MMP20: variants seen among roughly 807,000 people sequenced by gnomAD.
MMP20 encodes the protein matrix metallopeptidase 20, also known as matrix metalloproteinase-20.
A neutral mutation model predicts 51.8 loss-of-function variants in MMP20; 50 were observed. The observed-to-expected ratio is 0.97, with a 90% CI of 0.77 to 1.22. The LOEUF (loss-of-function observed/expected upper bound fraction) is 1.22. Among genes scored for constraint, MMP20 ranks in the 50% most tolerant of loss-of-function variants. MMP20 has a pLI of 0.00. For synonymous variants in MMP20, 244 were observed against 216.2 expected (o/e 1.13, Z -1.13); for missense variants, 663 against 601.4 (o/e 1.10, Z -1.07).
intron 1 of MMP20, among the ~76,000 whole-genome samples, chr11:102,623,794 C>T (rs1859781594): frequency 1.3e-5 from 2 of 152,216 alleles, no homozygotes; most frequent in African/African-American, 4.8e-5. Flanking sequence ...ATTCTGGCCT[C>T]AGCATGGCTC....
At chr11:102,585,528 A>T (rs1859244719) in intron 8 of MMP20, among the ~76,000 whole-genome samples, 1 of 152,172 alleles carries the variant, frequency 6.6e-6, no homozygotes, top group African/African-American at 2.4e-5. Context: ...TTTTCTATAT[A>T]AAAGATAATA....
chr11:102,581,024 T>G (rs963587547), intron 8 of MMP20, among the ~76,000 whole-genome samples: 2 of 152,222 alleles, frequency 1.3e-5, no homozygotes, highest in Non-Finnish European at 2.9e-5. Flanking sequence ...TACAGTCTGA[T>G]GGTACTGGGT....
intron 3 of MMP20, among the ~76,000 whole-genome samples, chr11:102,610,720 A>T (rs1390574620): frequency 2.0e-5 from 3 of 152,092 alleles, no homozygotes; most frequent in African/African-American, 7.2e-5. Flanking sequence ...ATAGTTTACC[A>T]CTTAAAAAAA....
At chr11:102,596,010 T>C (rs1346134386) in intron 6 of MMP20, among the ~76,000 whole-genome samples, 1 of 152,222 alleles carries the variant, frequency 6.6e-6, no homozygotes, top group Non-Finnish European at 1.5e-5. Context: ...CAAATATTTA[T>C]GGAGCACCTA....
chr11:102,609,699 T>C (rs1326196234), intron 4 of MMP20, among the ~76,000 whole-genome samples: 2 of 152,206 alleles, frequency 1.3e-5, no homozygotes, highest in Non-Finnish European at 2.9e-5. Flanking sequence ...TGATATGCTA[T>C]GAAACAGATC....
At chr11:102,598,294 G>A (rs1430526953) in intron 6 of MMP20, among the ~76,000 whole-genome samples, 1 of 152,082 alleles carries the variant, frequency 6.6e-6, no homozygotes, top group East Asian at 1.9e-4. Flanking sequence ...AAATCTATAA[G>A]CCTCTTGGAA....
intron 6 of MMP20, among the ~76,000 whole-genome samples, chr11:102,601,957 T>C: frequency 6.7e-6 from 1 of 149,566 alleles, no homozygotes; most frequent in Non-Finnish European, 1.5e-5. Context: ...CTTTCTTTTT[T>C]TTTTTTTTTT....
intron 4 of MMP20, 73 bp from the exon 5 acceptor site, chr11:102,609,171 A>G (rs1434252382): frequency 1.5e-6 from 2 of 1,323,612 alleles, no homozygotes; most frequent in East Asian, 2.4e-5. Context: ...TCTTTATAGT[A>G]TAATTTATGC....
rs1245025955 is a variant in MMP20, at chr11:102,577,077, C to G, written c.*249G>C. On this transcript the variant is annotated 3_prime_UTR_variant, in exon 10 of 10. Transcript: ENST00000260228. The stretch of plus-strand genomic sequence containing the variant: ...GGTAAGAAAAAATAATGGTGTCTAA[C>G]TGCAGAGTGCATTGTGTTGATTTGG... 2 of 466,588 alleles carry G rather than the reference C, an allele frequency of 4.3e-6. No homozygotes were observed. The highest frequency in any genetic ancestry group is 7.8e-6 in the Non-Finnish European group (2 of 255,096). The allele number at this position is 466,588 out of a possible 1,614,324, so 28.9% of individuals were successfully genotyped here. A position where few individuals can be genotyped will look rare whatever the true frequency, so the allele number is the denominator to read the frequency against.
chr11:102,624,778 T>G (rs951103185), intron 1 of MMP20, among the ~76,000 whole-genome samples: 1 of 152,122 alleles, frequency 6.6e-6, no homozygotes, highest in African/African-American at 2.4e-5. Flanking sequence ...ACACAGGAAA[T>G]CTCCTTGTTG....
intron 8 of MMP20, among the ~76,000 whole-genome samples, chr11:102,583,213 A>G (rs1357665727): frequency 6.6e-6 from 1 of 152,230 alleles, no homozygotes. Context: ...TCAGTCATCC[A>G]GACCTATGTT....
intron 6 of MMP20, among the ~76,000 whole-genome samples, chr11:102,606,285 G>A (rs1159934042): frequency 6.6e-6 from 1 of 152,166 alleles, no homozygotes; most frequent in Non-Finnish European, 1.5e-5. Flanking sequence ...AGTGAAAAAG[G>A]TTACAATAAA....
chr11:102,617,857 C>T (rs1271631992), intron 1 of MMP20, among the ~76,000 whole-genome samples: 2 of 152,106 alleles, frequency 1.3e-5, no homozygotes, highest in Non-Finnish European at 2.9e-5. Context: ...TTGAGGCCTG[C>T]CTTTGGCTCA....
At chr11:102,592,631 C>G (rs935472370) in intron 8 of MMP20, among the ~76,000 whole-genome samples, 1 of 152,116 alleles carries the variant, frequency 6.6e-6, no homozygotes, top group South Asian at 2.1e-4. Flanking sequence ...TCTTCAAGAC[C>G]CTTTCATGAG....
chr11:102,583,815 A>G (rs1294764992), intron 8 of MMP20, among the ~76,000 whole-genome samples: 1 of 152,112 alleles, frequency 6.6e-6, no homozygotes, highest in Non-Finnish European at 1.5e-5. Context: ...TCTCAACCAG[A>G]CCTAGACAAT....
chr11:102,611,843 G>A lies in MMP20; in HGVS notation c.435C>T (p.Ala145=). Reference sequence around the variant, plus strand: ...GGACGGCGCTACTCCAGGCCTGCAAGGCCATCTCCACTGCTTTGTCCACCT... The same window carrying A: ...GGACGGCGCTACTCCAGGCCTGCAAAGCCATCTCCACTGCTTTGTCCACCT... ...SVEVDKAVEM[A]LQAWSSAVPL... is the part of the protein sequence containing the mutation. The change falls in exon 3 of 10, where the codon GCC becomes GCT. Residue 145 remains alanine, a synonymous_variant. Transcript: ENST00000260228. The A allele has an allele frequency of 1.2e-6, 2 of 1,614,202 alleles. No homozygotes were observed. Among genetic ancestry groups the A allele is most frequent in the Non-Finnish European group, 8.5e-7 (1 of 1,180,030 alleles).
intron 8 of MMP20, among the ~76,000 whole-genome samples, chr11:102,592,242 T>C (rs559635822): frequency 1.3e-5 from 2 of 152,214 alleles, no homozygotes; most frequent in Admixed American, 6.5e-5. Flanking sequence ...CCTGTCATCA[T>C]GTTTTAAAAA....
At chr11:102,616,112 T>C (rs1188560995) in intron 2 of MMP20, among the ~76,000 whole-genome samples, 2 of 151,970 alleles carry the variant, frequency 1.3e-5, no homozygotes, top group Non-Finnish European at 2.9e-5. Flanking sequence ...GCCAGAGGAT[T>C]AGGGGAGGGA....
At chr11:102,581,791 T>C (rs146000441) in intron 8 of MMP20, among the ~76,000 whole-genome samples, 1 of 152,206 alleles carries the variant, frequency 6.6e-6, no homozygotes, top group African/African-American at 2.4e-5. Flanking sequence ...TGAGAGAATA[T>C]GAGAAAACGC....
Sources: allele counts gnomAD v4.1 joint callset (sites outside exome capture counted in the v4.1 genomes callset), GRCh38; gene constraint gnomAD v4.1.1; transcripts MANE v1.5; gene names NCBI Gene and HGNC (gene_info 2026-07-23, HGNC 2026-07-21).